The following EYS variants were observed in gnomAD, a reference collection of about 807,000 sequenced individuals.
EYS encodes protein eyes shut homolog.
A neutral mutation model predicts 282.1 loss-of-function variants in EYS; 250 were observed. That is an observed-to-expected ratio of 0.89 (90% CI 0.80 to 0.98). The LOEUF (loss-of-function observed/expected upper bound fraction) is 0.98, where lower values mean the gene tolerates loss of function less well. Among genes scored for constraint, EYS ranks in the 50% least tolerant of loss-of-function variants. The pLI is 0.00. For synonymous variants in EYS, 1,355 were observed against 1,282.9 expected, an observed-to-expected ratio of 1.06 and a Z score of -1.20; for missense variants, 4,016 against 3,709.0, an observed-to-expected ratio of 1.08 and a Z score of -2.15.
At chr6:64,200,986 A>G (rs1765445387) in intron 31 of EYS, among the ~76,000 whole-genome samples, 2 of 152,166 alleles carry the variant, frequency 1.3e-5, no homozygotes, top group African/African-American at 2.4e-5. Context: ...AAACTGATCC[A>G]TCTTCTTAGA....
chr6:63,864,859 C>T (rs1232169313), intron 35 of EYS, among the ~76,000 whole-genome samples: 2 of 152,182 alleles, frequency 1.3e-5, no homozygotes, highest in African/African-American at 4.8e-5. Flanking sequence ...GACTATATAA[C>T]TCTTCAGCTT....
intron 12 of EYS, among the ~76,000 whole-genome samples, chr6:65,286,196 T>G (rs1219015385): frequency 1.3e-5 from 2 of 151,938 alleles, no homozygotes; most frequent in Non-Finnish European, 2.9e-5. Context: ...TATTTCTCAG[T>G]TGCTTGATAA....
intron 31 of EYS, among the ~76,000 whole-genome samples, chr6:64,212,151 G>C (rs1765800218): frequency 6.6e-6 from 1 of 151,624 alleles, no homozygotes; most frequent in African/African-American, 2.4e-5. Flanking sequence ...AAAAAATATA[G>C]CTTAAGAGAA....
chr6:65,599,613 T>C (rs1366218807), intron 2 of EYS, among the ~76,000 whole-genome samples: 1 of 152,106 alleles, frequency 6.6e-6, no homozygotes, highest in South Asian at 2.1e-4. Flanking sequence ...AAATTTTATG[T>C]TTCTATTAAA....
At chr6:65,171,454 C>A (rs554909483) in intron 12 of EYS, among the ~76,000 whole-genome samples, 1 of 151,584 alleles carries the variant, frequency 6.6e-6, no homozygotes, top group East Asian at 2.0e-4. Flanking sequence ...GTCACAAAGT[C>A]CAGTATGCTA....
At chr6:65,586,476 C>T (rs1388500059) in intron 2 of EYS, among the ~76,000 whole-genome samples, 1 of 152,036 alleles carries the variant, frequency 6.6e-6, no homozygotes, top group Non-Finnish European at 1.5e-5. Context: ...TAGGACAGCA[C>T]TTTTAAATGT....
intron 31 of EYS, among the ~76,000 whole-genome samples, chr6:64,227,531 C>T (rs1000691339): frequency 9.2e-5 from 14 of 152,030 alleles, no homozygotes; most frequent in African/African-American, 3.4e-4. Context: ...CTACCATGTA[C>T]AGACTGTGTG....
chr6:65,142,981 C>A (rs1367310121), intron 12 of EYS, among the ~76,000 whole-genome samples: 2 of 152,008 alleles, frequency 1.3e-5, no homozygotes, highest in Non-Finnish European at 2.9e-5. Context: ...ATATATGTGA[C>A]ACCTTCTTCC....
chr6:64,036,475 T>C (rs549197240), intron 33 of EYS, among the ~76,000 whole-genome samples: 4 of 152,234 alleles, frequency 2.6e-5, no homozygotes, highest in Admixed American at 6.5e-5. Flanking sequence ...AGAAGAGTTA[T>C]TATTCTGGAA....
At chr6:63,944,998 TA>T (rs894904916) in intron 35 of EYS, among the ~76,000 whole-genome samples, 11 of 151,540 alleles carry the variant, frequency 7.3e-5, no homozygotes, top group South Asian at 6.3e-4. Context: ...ATCACTTTAG[TA>T]AAAAAAAATA....
At chr6:65,498,308 T>G (rs1766326437) in intron 2 of EYS, among the ~76,000 whole-genome samples, 1 of 151,994 alleles carries the variant, frequency 6.6e-6, no homozygotes, top group Admixed American at 6.6e-5. Context: ...TACCTGTAAA[T>G]CACAAATTTA....
chr6:64,962,584 G>GAAAAA (rs974505995), intron 14 of EYS, among the ~76,000 whole-genome samples: 1 of 149,828 alleles, frequency 6.7e-6, no homozygotes, highest in African/African-American at 2.5e-5. Flanking sequence ...AAAAAGAAAA[G>GAAAAA]AAAAAAAAAG....
intron 39 of EYS, chr6:63,779,367 T>C (rs969366675): frequency 4.6e-5 from 7 of 151,574 alleles, no homozygotes; most frequent in African/African-American, 1.7e-4. Flanking sequence ...GGCAGGAGAA[T>C]TGTGTGAACT....
chr6:65,371,737 C>CTGTGTG (rs1404201291), intron 8 of EYS, among the ~76,000 whole-genome samples: 8 of 43,452 alleles, frequency 1.8e-4, no homozygotes, highest in African/African-American at 2.9e-4. Flanking sequence ...CTCTCTCTCT[C>CTGTGTG]TCTCTGTGTG....
chr6:64,435,387 A>C (rs1774707484), intron 28 of EYS, among the ~76,000 whole-genome samples: 1 of 149,610 alleles, frequency 6.7e-6, no homozygotes, highest in Admixed American at 6.7e-5. Context: ...CTTCCTTAAA[A>C]CCTCTCATTT....
intron 23 of EYS, among the ~76,000 whole-genome samples, chr6:64,618,585 G>A (rs1010764519): frequency 6.6e-6 from 1 of 152,006 alleles, no homozygotes; most frequent in Non-Finnish European, 1.5e-5. Flanking sequence ...CTGATAAATT[G>A]TAACAAAACA....
At chr6:64,033,255 C>T (rs182333364) in intron 33 of EYS, among the ~76,000 whole-genome samples, 1 of 152,248 alleles carries the variant, frequency 6.6e-6, no homozygotes, top group Admixed American at 6.5e-5. Flanking sequence ...AAACACTTCT[C>T]ATATAATTTT....
intron 22 of EYS, among the ~76,000 whole-genome samples, chr6:64,699,096 A>T (rs1227003196): frequency 6.6e-6 from 1 of 152,202 alleles, no homozygotes; most frequent in Non-Finnish European, 1.5e-5. Flanking sequence ...GACAGATCGG[A>T]TAAAGAAAAT....
At chr6:64,957,017 T>A (rs1769731251) in intron 14 of EYS, among the ~76,000 whole-genome samples, 1 of 152,118 alleles carries the variant, frequency 6.6e-6, no homozygotes, top group South Asian at 2.1e-4. Context: ...CAATTTGAGG[T>A]TCCTCAAAAA....
Sources: gnomAD v4.1 joint callset for allele counts (sites outside exome capture counted in the v4.1 genomes callset) on GRCh38, gnomAD v4.1.1 for gene constraint, MANE v1.5 for transcripts, NCBI Gene and HGNC (gene_info 2026-07-23, HGNC 2026-07-21) for gene names.